Variants in UQCC1 observed in about 807,000 individuals in gnomAD.
UQCC1 encodes the protein ubiquinol-cytochrome c reductase complex assembly factor 1.
In UQCC1, 38 loss-of-function variants were observed where a neutral mutation model predicts 48.0. The ratio of observed to expected loss-of-function variants is 0.79; its 90% CI spans 0.61 to 1.04. UQCC1 has a LOEUF of 1.04. Among genes scored for constraint, UQCC1 ranks in the 50% least tolerant of loss-of-function variants. UQCC1 has a pLI of 0.00. For missense variants in UQCC1, 368 were observed against 381.8 expected (o/e 0.96, Z 0.30); for synonymous variants, 111 against 129.2 (o/e 0.86, Z 0.95).
chr20:35,357,825 T>C (rs1049016559), intron 6 of UQCC1, among the ~76,000 whole-genome samples: 2 of 152,186 alleles, frequency 1.3e-5, no homozygotes, highest in South Asian at 2.1e-4. Flanking sequence ...AACAATAACG[T>C]TGAGTCATTA....
At chr20:35,361,428 C>T (rs988980310) in intron 6 of UQCC1, among the ~76,000 whole-genome samples, 1 of 152,036 alleles carries the variant, frequency 6.6e-6, no homozygotes, top group African/African-American at 2.4e-5. Flanking sequence ...GCACCTATCA[C>T]AGTTGTATTT....
Position 35,303,684 on chromosome 20 carries a change from C to G in UQCC1, c.*251G>C, listed in dbSNP as rs1020764930. ...GGGTTGGGGAGTGTGTGCTGGGGGA[C>G]TCTCACTCGGGGCTTCCCCTAAGGG... is the stretch of plus-strand genomic sequence containing the variant. On this transcript the variant is annotated 3_prime_UTR_variant, in exon 10 of 10. Transcript: ENST00000374385. 6.1e-5 allele frequency: 32 copies of G among 524,062 alleles called. No homozygotes were observed. The highest frequency in any genetic ancestry group is 9.3e-5 in the Non-Finnish European group (27 of 290,960). 32.5% of individuals were successfully genotyped at this position (524,062 alleles called of 1,614,324 possible).
At chr20:35,307,047 C>G in intron 8 of UQCC1, 1 of 503,498 alleles carries the variant, frequency 2.0e-6, no homozygotes, top group Non-Finnish European at 3.7e-6. Flanking sequence ...AGCTGGGACT[C>G]AGGCAGTACT....
intron 1 of UQCC1, 143 bp from the exon 2 acceptor site, chr20:35,394,339 AC>A: frequency 1.4e-6 from 1 of 698,414 alleles, no homozygotes; most frequent in South Asian, 1.8e-5. Context: ...AGCTCCTAAA[AC>A]CCTTGGAATT....
chr20:35,404,286 C>T (rs1204223362), intron 1 of UQCC1, among the ~76,000 whole-genome samples: 5 of 151,358 alleles, frequency 3.3e-5, no homozygotes, highest in African/African-American at 7.3e-5. Context: ...AGGAGAATGG[C>T]GTGAACCCAG....
At chr20:35,383,303 T>A (rs1014278886) in intron 3 of UQCC1, among the ~76,000 whole-genome samples, 1 of 152,190 alleles carries the variant, frequency 6.6e-6, no homozygotes, top group African/African-American at 2.4e-5. Flanking sequence ...AAAAGTTAAA[T>A]ATCACTTTAT....
intron 8 of UQCC1, among the ~76,000 whole-genome samples, chr20:35,310,427 G>C (rs1180730501): frequency 2.6e-5 from 4 of 151,846 alleles, no homozygotes; most frequent in Non-Finnish European, 2.9e-5. Context: ...GGTGGATCAC[G>C]AGGTCAAGAG....
chr20:35,307,168 C>T (rs1292444377), intron 8 of UQCC1: 7 of 320,500 alleles, frequency 2.2e-5, no homozygotes, highest in Non-Finnish European at 3.6e-5. Flanking sequence ...GTCCACAGGG[C>T]ACGGGCTGGG....
chr20:35,400,069 C>T (rs948719714), intron 1 of UQCC1, among the ~76,000 whole-genome samples: 1 of 151,210 alleles, frequency 6.6e-6, no homozygotes, highest in Non-Finnish European at 1.5e-5. Flanking sequence ...GGGACTAGAG[C>T]GGCGCGCTAC....
intron 5 of UQCC1, among the ~76,000 whole-genome samples, chr20:35,371,718 A>C (rs1052648724): frequency 1.3e-5 from 2 of 151,298 alleles, no homozygotes; most frequent in African/African-American, 2.4e-5. Flanking sequence ...AAAAAAAAAA[A>C]AAACAGGCTG....
In UQCC1 at chr20:35,363,324, G is replaced by A. The variant is rs142900238; in HGVS notation, c.464+3233C>T. ...GGAGGCCTGCTTTTATCAAGTCCACGTGGGGATGCTAGACAGCGCAGACAG... is the reference window on the plus strand; with the variant it reads ...GGAGGCCTGCTTTTATCAAGTCCACATGGGGATGCTAGACAGCGCAGACAG... On this transcript the variant is annotated intron_variant, in intron 6 of 9. Transcript: ENST00000374385. Among the ~76,000 whole-genome samples the A allele has an allele frequency of 2.8e-3, 425 of 152,230 alleles. 8 individuals carry two copies. Among genetic ancestry groups the A allele is most frequent in the African/African-American group, 9.5e-3 (396 of 41,546 alleles).
Position 35,394,190 on chromosome 20 carries a change from G to C in UQCC1, c.31C>G (p.Gln11Glu). Residue 11 changes from glutamine (Q) to glutamate (E), a missense_variant, in exon 2 of 10, where the codon CAG becomes GAG. Coordinates refer to ENST00000374385, the MANE Select transcript of UQCC1 (RefSeq NM_018244.5). ...GGAACCCACTGAGAAATGCTAGTCT[G>C]GTTCCTCTAAAGAAAGAAAATAATA... MALLVRVLRN[Q>E]TSISQWVPVC... 6.2e-7 allele frequency: 1 copy of C among 1,613,630 alleles called. No homozygotes were observed.
intron 8 of UQCC1, chr20:35,309,094 G>T: frequency 2.2e-6 from 1 of 454,504 alleles, no homozygotes; most frequent in South Asian, 1.6e-5. Flanking sequence ...AGCATGCATT[G>T]ATGAGGTGGG....
intron 6 of UQCC1, among the ~76,000 whole-genome samples, chr20:35,352,086 A>G (rs2061495655): frequency 6.6e-6 from 1 of 152,276 alleles, no homozygotes. Context: ...TAAAAGGATG[A>G]CTTTTGGCTG....
intron 5 of UQCC1, among the ~76,000 whole-genome samples, chr20:35,371,336 T>G (rs546746152): frequency 1.0e-4 from 10 of 100,170 alleles, no homozygotes; most frequent in Admixed American, 3.7e-4. Flanking sequence ...AGGATGAGGG[T>G]TTTTTTTGTT....
chr20:35,304,094 G>C, intron 9 of UQCC1, 25 bp from the exon 10 acceptor site: 1 of 1,613,760 alleles, frequency 6.2e-7, no homozygotes, highest in Non-Finnish European at 8.5e-7. Flanking sequence ...GGGGGAAGGA[G>C]GAAGCGACAG....
chr20:35,388,015 G>A (rs993384204), intron 2 of UQCC1, among the ~76,000 whole-genome samples: 8 of 149,800 alleles, frequency 5.3e-5, no homozygotes, highest in Non-Finnish European at 1.5e-5. Flanking sequence ...ACGGAGTCTC[G>A]CTGTGCCCAG....
chr20:35,342,468 C>G (rs895892964), intron 7 of UQCC1, among the ~76,000 whole-genome samples: 7 of 152,198 alleles, frequency 4.6e-5, no homozygotes, highest in Admixed American at 1.3e-4. Context: ...CTGGACACAC[C>G]TGGCTGCAAA....
At chr20:35,329,032 T>C (rs2146342628) in intron 7 of UQCC1, among the ~76,000 whole-genome samples, 1 of 152,268 alleles carries the variant, frequency 6.6e-6, no homozygotes, top group East Asian at 1.9e-4. Flanking sequence ...AATGAAACAA[T>C]TCTTAATAAA....
Sources: allele counts gnomAD v4.1 joint callset (sites outside exome capture counted in the v4.1 genomes callset), GRCh38; gene constraint gnomAD v4.1.1; transcripts MANE v1.5; gene names NCBI Gene and HGNC (gene_info 2026-07-23, HGNC 2026-07-21).